DENND4A: variants seen among roughly 807,000 people sequenced by gnomAD.
DENND4A encodes C-myc promoter-binding protein.
In DENND4A, 70 loss-of-function variants were observed where a neutral mutation model predicts 199.3. That is an observed-to-expected ratio of 0.35 (90% CI 0.29 to 0.43). The LOEUF is 0.43. DENND4A is among the 20% of genes least tolerant of loss of function. DENND4A has a pLI of 1.00. For missense variants in DENND4A, 1,723 were observed against 2,255.8 expected (o/e 0.76, Z 4.78); for synonymous variants, 686 against 766.9 (o/e 0.89, Z 1.74).
At position 65,715,457 on chromosome 15, in the gene DENND4A, T is replaced by C. The variant is rs758897503; in HGVS notation, c.1953+21A>G. 3.8e-6 allele frequency: 6 copies of C among 1,588,638 alleles called. No homozygotes were observed. The Admixed American group carries it at 1.1e-4, about 30-fold the overall frequency. ...AGTCACACAAAATAAGTTAGGGCAT[T>C]GTAGATGTACTGTTACTTACTTTAT... On this transcript the variant is annotated intron_variant, in intron 14 of 32. Coordinates refer to ENST00000443035, the MANE Select transcript of DENND4A (RefSeq NM_001320835.1).
At chr15:65,752,350 A>T (rs777463295) in intron 4 of DENND4A, 29 bp downstream of exon 4, 1 of 1,112,984 alleles carries the variant, frequency 9.0e-7, no homozygotes, top group East Asian at 4.1e-5. Flanking sequence ...ATCAGTGGTT[A>T]ATGTTACCAG....
intron 6 of DENND4A, among the ~76,000 whole-genome samples, chr15:65,738,414 A>G (rs2076170080): frequency 6.6e-6 from 1 of 152,180 alleles, no homozygotes. Context: ...ATTGCATTAT[A>G]TATTTAATAA....
intron 11 of DENND4A, among the ~76,000 whole-genome samples, chr15:65,728,213 G>C (rs774623764): frequency 1.2e-4 from 18 of 152,020 alleles, no homozygotes; most frequent in Non-Finnish European, 2.4e-4. Flanking sequence ...ATGTTGGCCA[G>C]GCTGGTCTCG....
chr15:65,671,048 C>T (rs529372283), intron 25 of DENND4A, among the ~76,000 whole-genome samples: 2 of 152,100 alleles, frequency 1.3e-5, no homozygotes, highest in Non-Finnish European at 2.9e-5. Flanking sequence ...CAAACTGACA[C>T]AAAGAATGAA....
chr15:65,710,472 T>C (rs1359469989), intron 14 of DENND4A, among the ~76,000 whole-genome samples: 1 of 152,214 alleles, frequency 6.6e-6, no homozygotes, highest in East Asian at 1.9e-4. Flanking sequence ...TGTATGCCAC[T>C]GTTCGTAAGG....
chr15:65,708,950 C>T (rs964051746), intron 14 of DENND4A, among the ~76,000 whole-genome samples: 31 of 152,290 alleles, frequency 2.0e-4, no homozygotes, highest in African/African-American at 5.8e-4. Flanking sequence ...ATTACCCGCT[C>T]CAGCTTTTTA....
Position 65,691,217 on chromosome 15 carries a change from A to AT in DENND4A, c.3376dup (p.Ile1126AsnfsTer18). The AT allele has an allele frequency of 6.2e-7, 1 of 1,613,406 alleles. No homozygotes were observed. Among genetic ancestry groups the AT allele is most frequent in the Non-Finnish European group, 8.5e-7 (1 of 1,179,640 alleles). Reference sequence around the variant, plus strand: ...TTTTGATCTTAAAGGTGGCTTCCCAATATCAAGAGTATTTGGTCTCGTGCT... The same window carrying AT: ...TTTTGATCTTAAAGGTGGCTTCCCAATTATCAAGAGTATTTGGTCTCGTGCT... On this transcript the variant is annotated frameshift_variant, in exon 23 of 33. Transcript: ENST00000443035. LOFTEE classifies it high-confidence loss of function.
chr15:65,762,459 TA>T (rs943926226), intron 1 of DENND4A, among the ~76,000 whole-genome samples: 110 of 148,408 alleles, frequency 7.4e-4, no homozygotes, highest in African/African-American at 2.3e-3. Context: ...CCCCCATCTC[TA>T]AAAAAAAAAG....
intron 14 of DENND4A, among the ~76,000 whole-genome samples, chr15:65,713,974 TATA>T (rs2075318682): frequency 6.6e-6 from 1 of 152,180 alleles, no homozygotes; most frequent in Non-Finnish European, 1.5e-5. Flanking sequence ...CACAGACACA[TATA>T]CTTACATCTA....
chr15:65,729,191 T>A lies in DENND4A; in HGVS notation c.1368A>T (p.Leu456Phe), dbSNP rs777265148. The change falls in exon 11 of 33, where the codon TTA (leucine) becomes TTT (phenylalanine). Residue 456 changes from leucine (L) to phenylalanine (F), a missense_variant. By Grantham distance (22) the Leu-to-Phe change is conservative. This residue lies in a region of DENND4A where 725 missense variants were observed against 952.9 expected (regional missense o/e 0.76). Coordinates refer to ENST00000443035, the MANE Select transcript of DENND4A (RefSeq NM_001320835.1). ...GACATGGTGCACTCAAGACATCTGC[T>A]AAAGCCAGTGGGCAGAGAGGAACAT... is the stretch of plus-strand genomic sequence containing the variant. Reference protein sequence around the residue: ...CPYVPLCPLALADVLSAPCPF... With the variant: ...CPYVPLCPLAFADVLSAPCPF... 7 of 1,588,634 alleles carry A rather than the reference T, an allele frequency of 4.4e-6. No individual in the cohort carries two copies. Among genetic ancestry groups the A allele is most frequent in the African/African-American group, 2.7e-5 (2 of 74,486 alleles).
chr15:65,668,196 C>A lies in DENND4A; in HGVS notation c.4788-73G>T, dbSNP rs955462358. 24 of 932,058 alleles carry A rather than the reference C, an allele frequency of 2.6e-5. 1 individual carries two copies. Among genetic ancestry groups the A allele is most frequent in the Middle Eastern group, 3.4e-4 (1 of 2,944 alleles). 57.7% of individuals were successfully genotyped at this position (932,058 alleles called of 1,614,324 possible). A position where few individuals can be genotyped will look rare whatever the true frequency, so the allele number is the denominator to read the frequency against. On this transcript the variant is annotated intron_variant, in intron 27 of 32. Coordinates refer to ENST00000443035, the MANE Select transcript of DENND4A (RefSeq NM_001320835.1). ...TTACTTCATCAACAAGGATCATGTT[C>A]TCTCTCTCTCTCTCTTTTTTTTTTT...
At chr15:65,697,456 A>G in intron 20 of DENND4A, 73 bp from the exon 21 acceptor site, 1 of 879,916 alleles carries the variant, frequency 1.1e-6, no homozygotes, top group Non-Finnish European at 1.8e-6. Context: ...TAGGAGCAAC[A>G]TACTAGTGTT....
At chr15:65,785,505 A>C (rs1481387506) in intron 1 of DENND4A, among the ~76,000 whole-genome samples, 1 of 151,160 alleles carries the variant, frequency 6.6e-6, no homozygotes, top group Non-Finnish European at 1.5e-5. Context: ...AAAAAAAAAA[A>C]AAAAATTATT....
chr15:65,760,993 T>C (rs1423105247), intron 2 of DENND4A, among the ~76,000 whole-genome samples: 1 of 152,202 alleles, frequency 6.6e-6, no homozygotes, highest in African/African-American at 2.4e-5. Flanking sequence ...AACTAGCTAT[T>C]ATAAGTAAAT....
At chr15:65,712,197 G>GT (rs2075271331) in intron 14 of DENND4A, among the ~76,000 whole-genome samples, 1 of 152,152 alleles carries the variant, frequency 6.6e-6, no homozygotes, top group African/African-American at 2.4e-5. Flanking sequence ...GTATTTCTCT[G>GT]TATCAATCAT....
Position 65,669,940 on chromosome 15 carries a change from G to A in DENND4A, c.4641-15C>T, listed in dbSNP as rs1171303884. The stretch of plus-strand genomic sequence containing the variant: ...TTAGAAAGTATCTGTAATGTGAATC[G>A]AAGGAACTTTTTGAGAAAAGAGATA... On this transcript the variant is annotated splice_polypyrimidine_tract_variant and intron_variant, in intron 26 of 32. Coordinates refer to ENST00000443035, the MANE Select transcript of DENND4A (RefSeq NM_001320835.1). 12 of 1,611,274 alleles carry A rather than the reference G, an allele frequency of 7.4e-6. No individual in the cohort carries two copies. The highest frequency in any genetic ancestry group is 1.7e-5 in the Admixed American group (1 of 59,834).
Position 65,771,249 on chromosome 15 carries a change from G to A in DENND4A, c.-101-9811C>T, listed in dbSNP as rs971979170. 97 of 1,595,396 alleles carry A rather than the reference G, an allele frequency of 6.1e-5. 1 individual carries two copies. The highest frequency in any genetic ancestry group is 1.9e-4 in the African/African-American group (14 of 74,440). ...ATGCTCAAGGCATCTGACTTCCTTC[G>A]GAGTCGATCACCACGGTATACTTTT... is the stretch of plus-strand genomic sequence containing the variant. On this transcript the variant is annotated intron_variant, in intron 1 of 32. Coordinates refer to ENST00000443035, the MANE Select transcript of DENND4A (RefSeq NM_001320835.1).
At position 65,752,383 on chromosome 15, in the gene DENND4A, C is replaced by T. The variant is rs572151605; in HGVS notation, c.557G>A (p.Ser186Asn). ...FCKVDKNLNN[S>N]MWGSAVYLCY... ...CAGTGCAAGTAAGTCACTTACCATA[C>T]TGTTATTGAGATTCTTGTCGACTTT... is the stretch of plus-strand genomic sequence containing the variant. The change falls in exon 4 of 33, where the codon AGT becomes AAT. Residue 186 changes from serine (S) to asparagine (N), a missense_variant. Around this residue, in one of 6 missense-constraint regions of DENND4A, gnomAD observed 725 missense variants for 952.9 expected, o/e 0.76. Coordinates refer to ENST00000443035, the MANE Select transcript of DENND4A (RefSeq NM_001320835.1). 2 of 1,419,638 alleles carry T rather than the reference C, an allele frequency of 1.4e-6. No homozygotes were observed. Among genetic ancestry groups the T allele is most frequent in the African/African-American group, 1.5e-5 (1 of 66,928 alleles). The allele number at this position is 1,419,638 out of a possible 1,614,324, so 87.9% of individuals were successfully genotyped here.
chr15:65,699,449 T>G (rs2077270425), intron 20 of DENND4A, among the ~76,000 whole-genome samples: 1 of 151,798 alleles, frequency 6.6e-6, no homozygotes, highest in Admixed American at 6.6e-5. Flanking sequence ...TAAGAAAAGC[T>G]GATATACGAA....
Sources: gnomAD v4.1 joint callset for allele counts (sites outside exome capture counted in the v4.1 genomes callset) on GRCh38, gnomAD v4.1.1 for gene constraint, gnomAD v4.1.1 regional missense constraint, MANE v1.5 for transcripts, NCBI Gene and HGNC (gene_info 2026-07-23, HGNC 2026-07-21) for gene names.